Variants in MERTK observed in about 807,000 individuals in gnomAD.
MERTK encodes the protein MER proto-oncogene, tyrosine kinase.
In MERTK, 69 loss-of-function variants were observed where a neutral mutation model predicts 99.3. The observed-to-expected ratio is 0.70, with a 90% CI of 0.57 to 0.85. The LOEUF is 0.85. Among genes scored for constraint, MERTK ranks in the 40% least tolerant of loss-of-function variants. The pLI, the probability that MERTK is intolerant of heterozygous loss-of-function variation, is 0.00. For missense variants in MERTK, 1,125 were observed against 1,249.4 expected, an observed-to-expected ratio of 0.90 and a Z score of 1.50; for synonymous variants, 426 against 467.6, an observed-to-expected ratio of 0.91 and a Z score of 1.15.
chr2:111,948,311 G>C (rs1355375583), intron 4 of MERTK, among the ~76,000 whole-genome samples: 1 of 152,182 alleles, frequency 6.6e-6, no homozygotes, highest in Non-Finnish European at 1.5e-5. Flanking sequence ...CCAATTCATT[G>C]CTCCTCCTTT....
chr2:112,000,869 A>G (rs1214461431), intron 10 of MERTK, among the ~76,000 whole-genome samples: 3 of 152,094 alleles, frequency 2.0e-5, no homozygotes, highest in Admixed American at 1.3e-4. Flanking sequence ...CATTCATTCA[A>G]TCATATTTTC....
At chr2:111,916,997 T>G (rs929187360) in intron 1 of MERTK, among the ~76,000 whole-genome samples, 1 of 152,180 alleles carries the variant, frequency 6.6e-6, no homozygotes, top group African/African-American at 2.4e-5. Context: ...CACTGATACC[T>G]CTCTGGCTCA....
At position 112,021,458 on chromosome 2, in the gene MERTK, C is replaced by A; in HGVS notation, c.2226C>A (p.Phe742Leu). ...ACATGACTGTCTGTGTTGCGGACTT[C>A]GGCCTCTCTAAGAAGATTTACAGTG... ...RDDMTVCVAD[F>L]GLSKKIYSGD... The change falls in exon 17 of 19, where the codon TTC (phenylalanine) becomes TTA (leucine). Residue 742 changes from phenylalanine (F) to leucine (L), a missense_variant. By Grantham distance (22) the Phe-to-Leu change is conservative. Transcript: ENST00000295408. 1 of 1,613,750 alleles carries A rather than the reference C, an allele frequency of 6.2e-7. No homozygotes were observed.
chr2:112,026,211 T>C (rs1573652109), intron 18 of MERTK: 2 of 154,280 alleles, frequency 1.3e-5, no homozygotes, highest in African/African-American at 4.8e-5. Flanking sequence ...GTATACATGT[T>C]CACCATGTCT....
chr2:111,994,680 G>C, intron 9 of MERTK: 1 of 439,268 alleles, frequency 2.3e-6, no homozygotes, highest in Non-Finnish European at 4.4e-6. Context: ...TTGGGAGGCT[G>C]AGGTGGGAGA....
Position 112,028,801 on chromosome 2 carries a change from C to T in MERTK, c.2937C>T (p.Ser979=), listed in dbSNP as rs1317158364. Residue 979 remains serine (S), a synonymous_variant, in exon 19 of 19, where the codon AGC becomes AGT. Coordinates refer to ENST00000295408, the MANE Select transcript of MERTK (RefSeq NM_006343.3). ...WSHSSMLPLG[S]SLPDELLFAD... The stretch of plus-strand genomic sequence containing the variant: ...ATTCGAGCATGCTGCCCTTGGGAAG[C>T]TCATTGCCCGATGAACTTTTGTTTG... 1 of 1,614,090 alleles carries T rather than the reference C, an allele frequency of 6.2e-7. No individual in the cohort carries two copies. Among genetic ancestry groups the T allele is most frequent in the Non-Finnish European group, 8.5e-7 (1 of 1,180,022 alleles).
Position 111,947,284 on chromosome 2 carries a change from C to G in MERTK, c.584-110C>G, listed in dbSNP as rs771296735. On this transcript the variant is annotated intron_variant, in intron 3 of 18. Transcript: ENST00000295408. ...CAAGACTCCATCCCCACCCGCCCCCCACAAAAAAAGAAATCTATTGCCAAG... is the reference window on the plus strand; with the variant it reads ...CAAGACTCCATCCCCACCCGCCCCCGACAAAAAAAGAAATCTATTGCCAAG... 3.9e-5 allele frequency: 28 copies of G among 710,796 alleles called. 1 individual carries two copies. The highest frequency in any genetic ancestry group is 6.3e-5 in the Non-Finnish European group (27 of 425,202). The allele number at this position is 710,796 out of a possible 1,614,324, so 44.0% of individuals were successfully genotyped here. A position where few individuals can be genotyped will look rare whatever the true frequency, so the allele number is the denominator to read the frequency against.
intron 16 of MERTK, 137 bp downstream of exon 16, chr2:112,019,659 G>C: frequency 1.3e-6 from 1 of 742,906 alleles, no homozygotes; most frequent in Admixed American, 2.0e-5. Context: ...TTGCTCCGAA[G>C]ATGGAAATAT....
intron 15 of MERTK, 52 bp from the exon 16 acceptor site, chr2:112,019,361 A>G (rs1036859544): frequency 2.2e-6 from 3 of 1,391,422 alleles, no homozygotes; most frequent in Non-Finnish European, 3.1e-6. Flanking sequence ...AACTGCTTGC[A>G]AGTTTTCCTT....
chr2:111,922,667 C>T (rs1048732232), intron 1 of MERTK, among the ~76,000 whole-genome samples: 5 of 152,234 alleles, frequency 3.3e-5, no homozygotes, highest in African/African-American at 4.8e-5. Context: ...TGCCTATCAG[C>T]TCCTACTGCT....
At chr2:111,938,733 A>AT (rs535236341) in intron 2 of MERTK, among the ~76,000 whole-genome samples, 8 of 151,812 alleles carry the variant, frequency 5.3e-5, no homozygotes, top group South Asian at 4.2e-4. Context: ...TTTTTATACC[A>AT]TTTTTTTTAA....
chr2:112,008,025 A>G (rs1054381188), intron 13 of MERTK, among the ~76,000 whole-genome samples: 1 of 152,018 alleles, frequency 6.6e-6, no homozygotes, highest in Non-Finnish European at 1.5e-5. Context: ...CATTTTTTGC[A>G]ATTGATGAAC....
chr2:111,906,058 G>A (rs1305284201), intron 1 of MERTK, among the ~76,000 whole-genome samples: 1 of 120,912 alleles, frequency 8.3e-6, no homozygotes, highest in Non-Finnish European at 1.7e-5. Flanking sequence ...ACACTTGTAT[G>A]TTTCTCCTTG....
chr2:111,932,570 A>G (rs1235169769), intron 2 of MERTK, among the ~76,000 whole-genome samples: 1 of 152,234 alleles, frequency 6.6e-6, no homozygotes, highest in African/African-American at 2.4e-5. Context: ...GATAATGTTC[A>G]GGGGCACAGT....
chr2:111,968,370 C>T (rs1685400401), intron 6 of MERTK, 118 bp downstream of exon 6: 3 of 775,198 alleles, frequency 3.9e-6, no homozygotes, highest in African/African-American at 1.7e-5. Flanking sequence ...ACAGAGTCCC[C>T]TGACCTCCCT....
intron 1 of MERTK, chr2:111,913,107 G>T (rs909567915): frequency 1.0e-6 from 1 of 982,252 alleles, no homozygotes; most frequent in African/African-American, 1.7e-5. Context: ...TTTTTACCCA[G>T]TAGAAGATAT....
At position 111,944,979 on chromosome 2, in the gene MERTK, TCAGA is replaced by T; in HGVS notation, c.505_508del (p.Asp169MetfsTer8). The T allele has an allele frequency of 6.2e-7, 1 of 1,613,650 alleles. No individual in the cohort carries two copies. Among genetic ancestry groups the T allele is most frequent in the Non-Finnish European group, 8.5e-7 (1 of 1,179,730 alleles). ...TTGCAGCATAACCAGTGTGCAGCGT[TCAGA>T]CAATGGGTCGTATATCTGTAAGATG... On this transcript the variant is annotated frameshift_variant, in exon 3 of 19. Transcript: ENST00000295408. LOFTEE classifies it high-confidence loss of function.
chr2:112,010,535 A>G (rs1179075694), intron 15 of MERTK, among the ~76,000 whole-genome samples: 1 of 152,146 alleles, frequency 6.6e-6, no homozygotes, highest in Non-Finnish European at 1.5e-5. Context: ...TTTACTCCCT[A>G]TGTTGACTTA....
intron 7 of MERTK, among the ~76,000 whole-genome samples, chr2:111,976,724 TTTC>T (rs1206916011): frequency 1.3e-5 from 2 of 151,802 alleles, no homozygotes; most frequent in African/African-American, 4.8e-5. Context: ...TTTTCTTCTT[TTTC>T]TTCATTTAAA....
Sources: allele counts gnomAD v4.1 joint callset (sites outside exome capture counted in the v4.1 genomes callset), GRCh38; gene constraint gnomAD v4.1.1; transcripts MANE v1.5; gene names NCBI Gene and HGNC (gene_info 2026-07-23, HGNC 2026-07-21).